The following PLCL1 variants were observed in gnomAD, a reference collection of about 807,000 sequenced individuals.
PLCL1 encodes the protein inactive phospholipase C-like protein 1.
Under a neutral mutation model 84.4 loss-of-function variants are expected in PLCL1, and 41 were observed. The observed-to-expected ratio is 0.49, with a 90% CI of 0.38 to 0.63. The LOEUF (loss-of-function observed/expected upper bound fraction) is 0.63, where lower values mean the gene tolerates loss of function less well. Among genes scored for constraint, PLCL1 ranks in the 30% least tolerant of loss-of-function variants. The pLI is 0.00. For synonymous variants in PLCL1, 490 were observed against 488.3 expected, an observed-to-expected ratio of 1.00 and a Z score of -0.05; for missense variants, 1,206 against 1,367.8, an observed-to-expected ratio of 0.88 and a Z score of 1.87.
At chr2:197,954,235 G>A (rs1689444201) in intron 1 of PLCL1, among the ~76,000 whole-genome samples, 1 of 152,134 alleles carries the variant, frequency 6.6e-6, no homozygotes. Context: ...AGGTGACTGA[G>A]TGAAGTGAAA....
At chr2:197,904,131 G>T (rs368266328) in intron 1 of PLCL1, among the ~76,000 whole-genome samples, 4 of 152,218 alleles carry the variant, frequency 2.6e-5, no homozygotes, top group Non-Finnish European at 4.4e-5. Context: ...ATTGTTTTAG[G>T]TATTAATTAC....
intron 1 of PLCL1, among the ~76,000 whole-genome samples, chr2:197,966,424 G>A (rs1023222666): frequency 6.6e-6 from 1 of 152,138 alleles, no homozygotes; most frequent in African/African-American, 2.4e-5. Flanking sequence ...CAGAATTCAG[G>A]TTCTGACTTC....
chr2:197,865,602 T>G (rs1415051706), intron 1 of PLCL1, among the ~76,000 whole-genome samples: 2 of 152,066 alleles, frequency 1.3e-5, no homozygotes, highest in Non-Finnish European at 2.9e-5. Flanking sequence ...AAAAACAAAT[T>G]TGACTTTAAA....
intron 3 of PLCL1, among the ~76,000 whole-genome samples, chr2:198,091,619 G>C (rs1693038112): frequency 6.6e-6 from 1 of 151,824 alleles, no homozygotes; most frequent in Admixed American, 6.6e-5. Flanking sequence ...GGCGGAGGTT[G>C]CAGTGAGCCG....
rs1296768748 is a variant in PLCL1 at position 198,085,726 on chromosome 2, A to G, written c.2209A>G (p.Lys737Glu). 4 of 1,614,042 alleles carry G rather than the reference A, an allele frequency of 2.5e-6. No homozygotes were observed. In the African/African-American group the frequency reaches 4.0e-5, roughly 16 times the overall value. Reference sequence around the variant, plus strand: ...CAGTGGTCAGAATTTCCCAAAGCCCAAGGGAGCTTGTGCCAAAGGGGATGT... The same window carrying G: ...CAGTGGTCAGAATTTCCCAAAGCCCGAGGGAGCTTGTGCCAAAGGGGATGT... ...IISGQNFPKP[K>E]GACAKGDVID... Residue 737 changes from lysine to glutamate, a missense_variant, in exon 2 of 6, where the codon AAG becomes GAG. Physicochemically the swap from Lys to Glu is moderately conservative, Grantham distance 56 (BLOSUM62 1). Coordinates refer to ENST00000428675, the MANE Select transcript of PLCL1 (RefSeq NM_006226.4). The surrounding 1 kb of genome is among the most constrained non-coding windows in gnomAD (Gnocchi z 5.3).
At chr2:198,004,107 A>T (rs957679010) in intron 1 of PLCL1, among the ~76,000 whole-genome samples, 4 of 152,050 alleles carry the variant, frequency 2.6e-5, no homozygotes, top group African/African-American at 7.2e-5. Context: ...AACTTTAAAC[A>T]TTATTTAAGG....
At chr2:197,936,846 A>T (rs1272575297) in intron 1 of PLCL1, among the ~76,000 whole-genome samples, 1 of 152,176 alleles carries the variant, frequency 6.6e-6, no homozygotes, top group Non-Finnish European at 1.5e-5. Flanking sequence ...TATACAAAAA[A>T]ATCATTGCCT....
Position 197,805,117 on chromosome 2 carries a change from C to G in PLCL1, c.18C>G (p.Ala6=). Residue 6 remains alanine (A), a synonymous_variant, in exon 1 of 6, where the codon GCC becomes GCG. Coordinates refer to ENST00000428675, the MANE Select transcript of PLCL1 (RefSeq NM_006226.4). The surrounding 1 kb of genome is among the most constrained non-coding windows in gnomAD (Gnocchi z 4.0). MAEGA[A]GREDPAPPDA... ...TCCAGGCCATGGCCGAGGGCGCGGC[C>G]GGCAGGGAGGATCCGGCGCCGCCCG... 1 of 1,324,714 alleles carries G rather than the reference C, an allele frequency of 7.5e-7. No individual in the cohort carries two copies. The highest frequency in any genetic ancestry group is 9.6e-7 in the Non-Finnish European group (1 of 1,042,018). 82.1% of individuals were successfully genotyped at this position (1,324,714 alleles called of 1,614,324 possible).
In PLCL1 at chr2:198,027,506, A is replaced by G. The variant is rs77048290; in HGVS notation, c.241-56252A>G. 9.6e-3 allele frequency among the ~76,000 whole-genome samples: 1,462 copies of G among 152,322 alleles called. 23 individuals carry two copies. Among genetic ancestry groups the G allele is most frequent in the African/African-American group, 0.031 (1,308 of 41,580 alleles). ...AATAGAATAGATTTTAAGTATGCTT[A>G]TGACAAAAAATGATAAATATATGAG... On this transcript the variant is annotated intron_variant, in intron 1 of 5. Transcript: ENST00000428675.
At chr2:198,091,552 C>T (rs554491879) in intron 3 of PLCL1, among the ~76,000 whole-genome samples, 4 of 151,808 alleles carry the variant, frequency 2.6e-5, no homozygotes, top group African/African-American at 9.6e-5. Context: ...TGGTGGCACC[C>T]GCCTGTAATC....
intron 1 of PLCL1, among the ~76,000 whole-genome samples, chr2:197,973,432 C>T (rs781278096): frequency 6.6e-6 from 1 of 152,142 alleles, no homozygotes; most frequent in Non-Finnish European, 1.5e-5. Context: ...ATAGTTTATT[C>T]ATGAATCCTA....
At chr2:197,982,874 CA>C (rs1690138419) in intron 1 of PLCL1, among the ~76,000 whole-genome samples, 1 of 152,078 alleles carries the variant, frequency 6.6e-6, no homozygotes, top group African/African-American at 2.4e-5. Flanking sequence ...TTTGTTGATT[CA>C]AAACTTTTAA....
At chr2:197,868,896 C>G (rs1687595866) in intron 1 of PLCL1, among the ~76,000 whole-genome samples, 1 of 152,148 alleles carries the variant, frequency 6.6e-6, no homozygotes, top group African/African-American at 2.4e-5. Flanking sequence ...AAAGAATAGA[C>G]TACCAGAGAA....
At chr2:197,817,776 G>T (rs1310888835) in intron 1 of PLCL1, among the ~76,000 whole-genome samples, 1 of 152,168 alleles carries the variant, frequency 6.6e-6, no homozygotes, top group African/African-American at 2.4e-5. Flanking sequence ...TGCTAGAGGG[G>T]AATGGAGTCA....
At chr2:198,042,063 T>A (rs1691679274) in intron 1 of PLCL1, among the ~76,000 whole-genome samples, 1 of 152,174 alleles carries the variant, frequency 6.6e-6, no homozygotes, top group South Asian at 2.1e-4. Context: ...CTAGGGCAGC[T>A]CTGTGATCGT....
intron 1 of PLCL1, among the ~76,000 whole-genome samples, chr2:198,054,841 C>G (rs1032293801): frequency 1.3e-5 from 2 of 152,138 alleles, no homozygotes; most frequent in African/African-American, 4.8e-5. Context: ...CTACAGCAAG[C>G]TGGAATCCAC....
chr2:198,107,544 A>G (rs1251172326), intron 5 of PLCL1, among the ~76,000 whole-genome samples: 1 of 151,898 alleles, frequency 6.6e-6, no homozygotes, highest in Non-Finnish European at 1.5e-5. Flanking sequence ...AGTGCACAAA[A>G]CTAGACAGCA....
At chr2:198,099,994 G>C (rs1174357133) in intron 3 of PLCL1, among the ~76,000 whole-genome samples, 3 of 152,130 alleles carry the variant, frequency 2.0e-5, no homozygotes, top group Non-Finnish European at 4.4e-5. Flanking sequence ...AAATGAGGAA[G>C]CCTAGGAAAA....
chr2:197,881,583 G>T (rs562386244), intron 1 of PLCL1, among the ~76,000 whole-genome samples: 1 of 151,936 alleles, frequency 6.6e-6, no homozygotes, highest in Non-Finnish European at 1.5e-5. Context: ...ATGTGACCTT[G>T]GCAACTCACT....
Sources: allele counts gnomAD v4.1 joint callset (sites outside exome capture counted in the v4.1 genomes callset), GRCh38; gene constraint gnomAD v4.1.1; non-coding constraint Gnocchi (gnomAD v3.1); transcripts MANE v1.5; gene names NCBI Gene and HGNC (gene_info 2026-07-23, HGNC 2026-07-21).